The following MPP7 variants were observed in gnomAD, a reference collection of about 807,000 sequenced individuals.
MPP7 encodes MAGUK p55 subfamily member 7.
A neutral mutation model predicts 76.5 loss-of-function variants in MPP7; 60 were observed. The observed-to-expected ratio is 0.78, with a 90% confidence interval of 0.64 to 0.97. The LOEUF (loss-of-function observed/expected upper bound fraction) is 0.97. Among genes scored for constraint, MPP7 ranks in the 50% least tolerant of loss-of-function variants. MPP7 has a pLI of 0.00. For missense variants in MPP7, 641 were observed against 694.0 expected, an observed-to-expected ratio of 0.92 and a Z score of 0.86; for synonymous variants, 237 against 244.5, an observed-to-expected ratio of 0.97 and a Z score of 0.29.
chr10:28,273,277 C>T (rs915826521), intron 1 of MPP7, among the ~76,000 whole-genome samples: 1 of 152,204 alleles, frequency 6.6e-6, no homozygotes, highest in Admixed American at 6.5e-5. Flanking sequence ...CAAAAGCAAT[C>T]TGGAATCATC....
At chr10:28,181,192 C>A (rs965332980) in intron 3 of MPP7, among the ~76,000 whole-genome samples, 1 of 151,920 alleles carries the variant, frequency 6.6e-6, no homozygotes, top group African/African-American at 2.4e-5. Flanking sequence ...TTTAAAAATA[C>A]TCAATTTTAA....
At chr10:28,177,226 C>G (rs981038088) in intron 3 of MPP7, among the ~76,000 whole-genome samples, 3 of 142,870 alleles carry the variant, frequency 2.1e-5, no homozygotes, top group Non-Finnish European at 4.5e-5. Flanking sequence ...ACCAGCCTGG[C>G]CAACATAGTG....
intron 2 of MPP7, among the ~76,000 whole-genome samples, chr10:28,232,869 C>T (rs546889621): frequency 1.3e-5 from 2 of 152,274 alleles, no homozygotes; most frequent in Middle Eastern, 3.4e-3. Flanking sequence ...GACCAGGTCA[C>T]ATGGATGCTG....
chr10:28,174,478 T>A (rs1192609276), intron 3 of MPP7, among the ~76,000 whole-genome samples: 4 of 152,174 alleles, frequency 2.6e-5, no homozygotes, highest in Non-Finnish European at 5.9e-5. Context: ...CAGCTCCGCT[T>A]TGCCTTCCAC....
intron 1 of MPP7, among the ~76,000 whole-genome samples, chr10:28,279,489 G>A (rs1178184930): frequency 6.6e-6 from 1 of 151,918 alleles, no homozygotes; most frequent in African/African-American, 2.4e-5. Context: ...ATCACTTTGG[G>A]AGGCCGAGGC....
At chr10:28,195,792 T>C (rs759433512) in intron 3 of MPP7, among the ~76,000 whole-genome samples, 10 of 151,996 alleles carry the variant, frequency 6.6e-5, no homozygotes, top group Non-Finnish European at 1.5e-4. Flanking sequence ...TTTGAGGTGA[T>C]AAAAAGGTTC....
At chr10:28,110,961 C>T (rs1834487531) in intron 11 of MPP7, among the ~76,000 whole-genome samples, 1 of 152,170 alleles carries the variant, frequency 6.6e-6, no homozygotes, top group African/African-American at 2.4e-5. Flanking sequence ...AGTGCAACCA[C>T]AATTTTTGGT....
intron 2 of MPP7, among the ~76,000 whole-genome samples, chr10:28,214,466 C>T (rs1428384508): frequency 6.6e-6 from 1 of 152,222 alleles, no homozygotes; most frequent in Non-Finnish European, 1.5e-5. Context: ...GTTTCGGAAG[C>T]TGGCAAGCTC....
intron 13 of MPP7, 110 bp downstream of exon 13, chr10:28,069,662 T>G (rs1426527887): frequency 3.8e-6 from 3 of 793,768 alleles, no homozygotes; most frequent in Non-Finnish European, 5.7e-6. Flanking sequence ...ATACCTACCA[T>G]GTACCCAAAA....
chr10:28,142,755 G>A (rs1204918068), intron 5 of MPP7, among the ~76,000 whole-genome samples: 3 of 152,020 alleles, frequency 2.0e-5, no homozygotes, highest in Admixed American at 1.3e-4. Context: ...AATATTAGTC[G>A]AAAAGAGCTT....
At chr10:28,101,115 GTTTC>G (rs1564630767) in intron 11 of MPP7, among the ~76,000 whole-genome samples, 5 of 152,012 alleles carry the variant, frequency 3.3e-5, no homozygotes, top group South Asian at 2.1e-4. Context: ...AACACAAATG[GTTTC>G]TTTCTGTCAG....
At position 28,119,681 on chromosome 10, in the gene MPP7, G is replaced by GA; in HGVS notation, c.921dup (p.Gln308SerfsTer14). On this transcript the variant is annotated frameshift_variant, in exon 11 of 17. Transcript: ENST00000683449. LOFTEE classifies it high-confidence loss of function. ...TTCCTGTTGGAAACTTTCAGGGGCT[G>GA]AACCAATATTTCTGGTCGTCTCAAA... 1 of 1,613,634 alleles carries GA rather than the reference G, an allele frequency of 6.2e-7. No individual in the cohort carries two copies. Among genetic ancestry groups the GA allele is most frequent in the Non-Finnish European group, 8.5e-7 (1 of 1,179,730 alleles).
chr10:28,143,859 G>GTGC (rs1191413038), intron 5 of MPP7, among the ~76,000 whole-genome samples: 1 of 3,312 alleles, frequency 3.0e-4, no homozygotes, highest in African/African-American at 7.1e-4. Context: ...CGTGTGCTGT[G>GTGC]TGTGTGTGTG....
intron 2 of MPP7, among the ~76,000 whole-genome samples, chr10:28,230,132 A>G (rs1838832637): frequency 6.6e-6 from 1 of 152,192 alleles, no homozygotes; most frequent in South Asian, 2.1e-4. Flanking sequence ...AACAACAGAA[A>G]GAGAATGTAT....
chr10:28,206,054 C>G (rs1466110431), intron 2 of MPP7, among the ~76,000 whole-genome samples: 1 of 152,160 alleles, frequency 6.6e-6, no homozygotes, highest in Non-Finnish European at 1.5e-5. Flanking sequence ...GACTTCCCAG[C>G]CTCCAGAACT....
At chr10:28,072,227 T>C (rs1340497977) in intron 12 of MPP7, among the ~76,000 whole-genome samples, 2 of 152,050 alleles carry the variant, frequency 1.3e-5, no homozygotes, top group African/African-American at 4.8e-5. Flanking sequence ...TAAGCCAAGA[T>C]TGCACCACTG....
chr10:28,210,184 G>A (rs1838084680), intron 2 of MPP7, among the ~76,000 whole-genome samples: 1 of 152,176 alleles, frequency 6.6e-6, no homozygotes, highest in Non-Finnish European at 1.5e-5. Flanking sequence ...GTTGCAGATG[G>A]CAGATCACTG....
intron 3 of MPP7, among the ~76,000 whole-genome samples, chr10:28,196,640 T>A (rs1837592325): frequency 6.6e-6 from 1 of 152,184 alleles, no homozygotes; most frequent in Non-Finnish European, 1.5e-5. Flanking sequence ...TTAGGGCTTA[T>A]ACAGGTCTCC....
chr10:28,252,277 T>C (rs533108079), intron 1 of MPP7, among the ~76,000 whole-genome samples: 18 of 152,374 alleles, frequency 1.2e-4, no homozygotes, highest in African/African-American at 3.6e-4. Flanking sequence ...GTCTAGATTG[T>C]ATTCTGCCGT....
Sources: allele counts gnomAD v4.1 joint callset (sites outside exome capture counted in the v4.1 genomes callset), GRCh38; gene constraint gnomAD v4.1.1; transcripts MANE v1.5; gene names NCBI Gene and HGNC (gene_info 2026-07-23, HGNC 2026-07-21).